The following RAB31 variants were observed in gnomAD, a reference collection of about 807,000 sequenced individuals.
RAB31 encodes the protein RAB31, member RAS oncogene family.
A neutral mutation model predicts 25.6 loss-of-function variants in RAB31; 21 were observed. The observed-to-expected ratio is 0.82, with a 90% CI of 0.58 to 1.18. The LOEUF (loss-of-function observed/expected upper bound fraction) is 1.18. Among genes scored for constraint, RAB31 ranks in the 50% most tolerant of loss-of-function variants. The pLI is 0.00. For synonymous variants in RAB31, 87 were observed against 84.0 expected, an observed-to-expected ratio of 1.04 and a Z score of -0.20; for missense variants, 196 against 250.1, an observed-to-expected ratio of 0.78 and a Z score of 1.46.
At chr18:9,795,260 A>AG (rs1307838064) in intron 3 of RAB31, among the ~76,000 whole-genome samples, 1 of 152,234 alleles carries the variant, frequency 6.6e-6, no homozygotes, top group African/African-American at 2.4e-5. Flanking sequence ...TCAAAGACTT[A>AG]AATCTAAGAC....
chr18:9,777,053 A>G (rs1205986703), intron 2 of RAB31, among the ~76,000 whole-genome samples: 2 of 152,130 alleles, frequency 1.3e-5, no homozygotes, highest in Admixed American at 6.6e-5. Flanking sequence ...TTAAAAAAAT[A>G]TATATCCACC....
intron 1 of RAB31, among the ~76,000 whole-genome samples, chr18:9,719,799 A>G (rs921644208): frequency 1.3e-5 from 2 of 152,114 alleles, no homozygotes; most frequent in African/African-American, 4.8e-5. Flanking sequence ...TGAAAGAGGC[A>G]TCCAAGGCTT....
intron 6 of RAB31, among the ~76,000 whole-genome samples, chr18:9,858,699 C>T (rs533768653): frequency 8.5e-5 from 13 of 152,262 alleles, no homozygotes; most frequent in African/African-American, 2.9e-4. Flanking sequence ...AGTTAATGAT[C>T]TAAATGCATT....
chr18:9,760,324 C>T lies in RAB31; in HGVS notation c.40-14954C>T, dbSNP rs971892120. On this transcript the variant is annotated intron_variant, in intron 1 of 6. Coordinates refer to ENST00000578921, the MANE Select transcript of RAB31 (RefSeq NM_006868.4). ...AAGTAGCTGGGACTACAGGTGTGCA[C>T]CACCATGCCCAGCTAATTTTTTATT... Among the ~76,000 whole-genome samples the T allele has an allele frequency of 2.0e-4, 30 of 152,022 alleles. 1 individual carries two copies. The highest frequency in any genetic ancestry group is 9.7e-5 in the African/African-American group (4 of 41,378).
chr18:9,823,829 T>C (rs2068635677), intron 5 of RAB31, among the ~76,000 whole-genome samples: 1 of 152,126 alleles, frequency 6.6e-6, no homozygotes, highest in African/African-American at 2.4e-5. Context: ...AAAATTCCCA[T>C]TTAGGAAAGA....
intron 2 of RAB31, among the ~76,000 whole-genome samples, chr18:9,776,141 G>A (rs2068371238): frequency 6.6e-6 from 1 of 152,142 alleles, no homozygotes; most frequent in African/African-American, 2.4e-5. Flanking sequence ...GTGTGGGGAG[G>A]GGTGGAAGTG....
intron 1 of RAB31, among the ~76,000 whole-genome samples, chr18:9,719,336 T>TATATATATATAA (rs1175080967): frequency 2.4e-5 from 2 of 83,904 alleles, no homozygotes; most frequent in East Asian, 9.1e-4. Flanking sequence ...TATAAATAAA[T>TATATATATATAA]AAATTTGATC....
At chr18:9,770,489 T>C (rs754400558) in intron 1 of RAB31, among the ~76,000 whole-genome samples, 2 of 152,184 alleles carry the variant, frequency 1.3e-5, no homozygotes, top group Non-Finnish European at 2.9e-5. Flanking sequence ...ACAGCAGGGG[T>C]TGTCATTTCA....
Position 9,785,956 on chromosome 18 carries a change from G to T in RAB31, c.120-6198G>T, listed in dbSNP as rs1345414405. Among the ~76,000 whole-genome samples the T allele has an allele frequency of 2.0e-5, 3 of 152,242 alleles. No homozygotes were observed. In the East Asian group the frequency reaches 5.8e-4, roughly 29 times the overall value. On this transcript the variant is annotated intron_variant, in intron 2 of 6. Transcript: ENST00000578921. ...CATCCCTGTAATCCCAGCTACTCAGGAGGCTGAGGCAGGAGAATCGCTTGA... is the reference window on the plus strand; with the variant it reads ...CATCCCTGTAATCCCAGCTACTCAGTAGGCTGAGGCAGGAGAATCGCTTGA...
chr18:9,739,937 G>T (rs2091084849), intron 1 of RAB31, among the ~76,000 whole-genome samples: 1 of 152,238 alleles, frequency 6.6e-6, no homozygotes, highest in African/African-American at 2.4e-5. Flanking sequence ...TCTCTCCTAA[G>T]CATCTTTTAT....
chr18:9,713,930 C>G (rs2068031036), intron 1 of RAB31, among the ~76,000 whole-genome samples: 1 of 152,184 alleles, frequency 6.6e-6, no homozygotes, highest in Non-Finnish European at 1.5e-5. Context: ...CATGAAGGCT[C>G]TACCCTCACA....
At chr18:9,808,365 A>T (rs181200087) in intron 3 of RAB31, among the ~76,000 whole-genome samples, 9 of 152,322 alleles carry the variant, frequency 5.9e-5, no homozygotes, top group Admixed American at 5.2e-4. Context: ...AGAACATCTT[A>T]ACAGTTCGAT....
intron 5 of RAB31, among the ~76,000 whole-genome samples, chr18:9,839,694 A>G (rs2068722793): frequency 6.6e-6 from 1 of 152,144 alleles, no homozygotes; most frequent in Admixed American, 6.5e-5. Context: ...GCAGCTAGCT[A>G]GCTCAAGGGG....
intron 5 of RAB31, among the ~76,000 whole-genome samples, chr18:9,833,747 G>A (rs895976214): frequency 3.3e-5 from 5 of 152,184 alleles, no homozygotes; most frequent in Non-Finnish European, 5.9e-5. Flanking sequence ...GTTCGTTATG[G>A]ATAGGAAGAC....
At chr18:9,836,643 A>G (rs1049759750) in intron 5 of RAB31, among the ~76,000 whole-genome samples, 7 of 152,162 alleles carry the variant, frequency 4.6e-5, no homozygotes, top group African/African-American at 1.7e-4. Flanking sequence ...CCCAGTAGAC[A>G]TTCCGATTCT....
chr18:9,718,358 C>T (rs2068054668), intron 1 of RAB31, among the ~76,000 whole-genome samples: 1 of 152,188 alleles, frequency 6.6e-6, no homozygotes, highest in African/African-American at 2.4e-5. Flanking sequence ...CTCCTGGGTT[C>T]AAGCAGTTCT....
intron 6 of RAB31, among the ~76,000 whole-genome samples, chr18:9,853,632 A>G (rs1026747507): frequency 1.3e-5 from 2 of 152,226 alleles, no homozygotes; most frequent in Admixed American, 6.5e-5. Flanking sequence ...ATCAAAACCC[A>G]TAAAATATAC....
chr18:9,806,103 G>A (rs1230466613), intron 3 of RAB31, among the ~76,000 whole-genome samples: 1 of 151,306 alleles, frequency 6.6e-6, no homozygotes, highest in Non-Finnish European at 1.5e-5. Context: ...CGTGAACCCG[G>A]GAGGCGGAGC....
At chr18:9,731,877 G>A (rs1373341805) in intron 1 of RAB31, among the ~76,000 whole-genome samples, 1 of 152,148 alleles carries the variant, frequency 6.6e-6, no homozygotes, top group African/African-American at 2.4e-5. Flanking sequence ...TTACAGGCAT[G>A]AGCCACCATG....
Sources: gnomAD v4.1 joint callset for allele counts (sites outside exome capture counted in the v4.1 genomes callset) on GRCh38, gnomAD v4.1.1 for gene constraint, MANE v1.5 for transcripts, NCBI Gene and HGNC (gene_info 2026-07-23, HGNC 2026-07-21) for gene names.